The following LUZP1 variants were observed in gnomAD, a reference collection of about 807,000 sequenced individuals.
The protein encoded by LUZP1 is leucine zipper protein 1.
Under a neutral mutation model 71.3 loss-of-function variants are expected in LUZP1, and 25 were observed. That is an observed-to-expected ratio of 0.35 (90% confidence interval 0.26 to 0.49). The LOEUF is 0.49. LUZP1 is among the 20% of genes least tolerant of loss of function. The pLI is 0.99. For missense variants in LUZP1, 1,142 were observed against 1,300.8 expected (o/e 0.88, Z 1.88); for synonymous variants, 481 against 506.4 (o/e 0.95, Z 0.67).
At chr1:23,126,597 C>A (rs1017967999) in intron 2 of LUZP1, among the ~76,000 whole-genome samples, 3 of 152,194 alleles carry the variant, frequency 2.0e-5, no homozygotes, top group Admixed American at 1.3e-4. Context: ...ATTCCTAGAA[C>A]CCAGAACAGT....
At chr1:23,158,732 G>A (rs916178817) in intron 2 of LUZP1, among the ~76,000 whole-genome samples, 2 of 149,526 alleles carry the variant, frequency 1.3e-5, no homozygotes, top group African/African-American at 2.5e-5. Context: ...TTTGGGAGGC[G>A]GAGGTGGGCA....
chr1:23,112,923 A>G (rs1644046104), intron 2 of LUZP1, among the ~76,000 whole-genome samples: 1 of 152,252 alleles, frequency 6.6e-6, no homozygotes. Context: ...CAAAGACCTC[A>G]GTTAAAGAGA....
At chr1:23,162,944 T>C (rs1459967896) in intron 2 of LUZP1, 3 of 151,980 alleles carry the variant, frequency 2.0e-5, no homozygotes, top group Non-Finnish European at 2.9e-5. Context: ...CAAAGTACCA[T>C]GTTAATAAAG....
chr1:23,176,928 C>A (rs1644585652), intron 1 of LUZP1, among the ~76,000 whole-genome samples: 2 of 152,186 alleles, frequency 1.3e-5, no homozygotes, highest in Admixed American at 6.5e-5. Flanking sequence ...GTCACCCAGG[C>A]TGCAGTGCAG....
At chr1:23,092,846 T>A (rs754357972) in exon 4 of LUZP1, 3 of 1,613,764 alleles carry the variant, frequency 1.9e-6, no homozygotes, top group African/African-American at 2.7e-5. Flanking sequence ...GACTCAGCAC[T>A]GAGGGCTGCT....
chr1:23,171,603 T>C lies in LUZP1; in HGVS notation c.-484-2579A>G, dbSNP rs373956147. ...GGCCTGTGGAAGGAGGGGAGGAACT[T>C]TGGGGTTCTGATTAATTTCCTATGC... On this transcript the variant is annotated intron_variant, in intron 1 of 4. Transcript: ENST00000302291. Among the ~76,000 whole-genome samples the C allele has an allele frequency of 1.5e-3, 236 of 152,284 alleles. 6 individuals are homozygous for C. The South Asian group carries it at 0.047, about 30-fold the overall frequency.
chr1:23,124,938 TA>T (rs976475133), intron 2 of LUZP1, among the ~76,000 whole-genome samples: 1 of 151,976 alleles, frequency 6.6e-6, no homozygotes, highest in Non-Finnish European at 1.5e-5. Context: ...GCCATGACAG[TA>T]AAAAAAAGGC....
intron 1 of LUZP1, among the ~76,000 whole-genome samples, chr1:23,171,903 C>G (rs1299489347): frequency 2.6e-5 from 4 of 152,112 alleles, no homozygotes; most frequent in Admixed American, 2.6e-4. Context: ...ACCCATGATC[C>G]CAGCAACCAC....
Position 23,088,658 on chromosome 1 carries a change from G to C in LUZP1, c.*237C>G, listed in dbSNP as rs544073299. On this transcript the variant is annotated 3_prime_UTR_variant, in exon 5 of 5. Transcript: ENST00000302291. ...ACTACTTGGTGGACAGGGACAAGGA[G>C]AGAGAGAGGACTCGTGCATTGGGGA... The C allele has an allele frequency of 8.5e-6, 4 of 469,552 alleles. No individual in the cohort carries two copies. The East Asian group carries it at 1.5e-4, about 17-fold the overall frequency. 29.1% of individuals were successfully genotyped at this position (469,552 alleles called of 1,614,324 possible).
chr1:23,157,975 G>A (rs138944201), intron 2 of LUZP1, among the ~76,000 whole-genome samples: 12 of 152,016 alleles, frequency 7.9e-5, no homozygotes, highest in East Asian at 7.7e-4. Flanking sequence ...TTGAGCCACC[G>A]CACTCCAGCC....
At chr1:23,115,255 T>C (rs1644068577) in intron 2 of LUZP1, among the ~76,000 whole-genome samples, 1 of 152,188 alleles carries the variant, frequency 6.6e-6, no homozygotes, top group South Asian at 2.1e-4. Context: ...GCAAATACTC[T>C]TATCTCATAT....
At chr1:23,114,085 A>G (rs1337125303) in intron 2 of LUZP1, among the ~76,000 whole-genome samples, 1 of 152,126 alleles carries the variant, frequency 6.6e-6, no homozygotes, top group African/African-American at 2.4e-5. Flanking sequence ...GAACAATAGA[A>G]ATGATTCAAA....
exon 5 of LUZP1, chr1:23,085,765 ACT>A (rs887816181): frequency 6.6e-6 from 1 of 151,892 alleles, no homozygotes; most frequent in Non-Finnish European, 1.5e-5. Flanking sequence ...CCACACTGTG[ACT>A]CTTTCTCATT....
rs1643838022 is a variant in LUZP1 at position 23,090,664 on chromosome 1, T to C, written c.3072+526A>G. 1.3e-5 allele frequency: 8 copies of C among 596,638 alleles called. No homozygotes were observed. In the South Asian group the frequency reaches 1.6e-4, roughly 12 times the overall value. The allele number at this position is 596,638 out of a possible 1,614,324, so 37.0% of individuals were successfully genotyped here. A position where few individuals can be genotyped will look rare whatever the true frequency, so the allele number is the denominator to read the frequency against. On this transcript the variant is annotated intron_variant, in intron 4 of 4. Coordinates refer to ENST00000302291, the Ensembl canonical transcript of LUZP1. Reference sequence around the variant, plus strand: ...TGTCACTTGGAATTGGGTATACGCTTATCTAAAATAGGCCCAGTGTAAGCC... The same window carrying C: ...TGTCACTTGGAATTGGGTATACGCTCATCTAAAATAGGCCCAGTGTAAGCC...
intron 2 of LUZP1, among the ~76,000 whole-genome samples, chr1:23,122,025 T>TTAAA (rs1342915126): frequency 1.4e-4 from 21 of 151,626 alleles, no homozygotes; most frequent in Non-Finnish European, 2.8e-4. Context: ...AATAAATAAA[T>TTAAA]TAATTAATTA....
At chr1:23,139,019 A>AAAAAATATATATATATATATATATAT (rs1317355746) in intron 2 of LUZP1, among the ~76,000 whole-genome samples, 1 of 59,962 alleles carries the variant, frequency 1.7e-5, no homozygotes, top group African/African-American at 9.3e-5. Flanking sequence ...AAAAAAAAAA[A>AAAAAATATATATATATATATATATAT]ATATATATAT....
exon 1 of LUZP1, chr1:23,177,741 C>G (rs1644591682): frequency 1.3e-5 from 2 of 152,206 alleles, no homozygotes; most frequent in Non-Finnish European, 2.9e-5. Context: ...CGCCGTTTGC[C>G]GCAGTGACAG....
chr1:23,151,424 C>T (rs961758781), intron 2 of LUZP1, among the ~76,000 whole-genome samples: 1 of 152,174 alleles, frequency 6.6e-6, no homozygotes, highest in Non-Finnish European at 1.5e-5. Flanking sequence ...ATTTAGTTAG[C>T]ACTTCACTGA....
chr1:23,159,685 C>A (rs1174195229), intron 2 of LUZP1, among the ~76,000 whole-genome samples: 3 of 152,174 alleles, frequency 2.0e-5, no homozygotes, highest in Non-Finnish European at 4.4e-5. Flanking sequence ...TAGCCAATGG[C>A]TAATAATATC....
Sources: gnomAD v4.1 joint callset for allele counts (sites outside exome capture counted in the v4.1 genomes callset) on GRCh38, gnomAD v4.1.1 for gene constraint, MANE v1.5 for transcripts, NCBI Gene and HGNC (gene_info 2026-07-23, HGNC 2026-07-21) for gene names.